Variants in PITX3 observed in about 807,000 individuals in gnomAD.
The protein encoded by PITX3 is pituitary homeobox 3.
Under a neutral mutation model 14.2 loss-of-function variants are expected in PITX3, and 4 were observed. That is an observed-to-expected ratio of 0.28 (90% confidence interval 0.14 to 0.65). The LOEUF (loss-of-function observed/expected upper bound fraction) is 0.65, where lower values mean the gene tolerates loss of function less well. PITX3 is among the 30% of genes least tolerant of loss of function. The pLI, the probability that PITX3 is intolerant of heterozygous loss-of-function variation, is 0.82. For synonymous variants in PITX3, 194 were observed against 204.5 expected, an observed-to-expected ratio of 0.95 and a Z score of 0.44; for missense variants, 358 against 426.8, an observed-to-expected ratio of 0.84 and a Z score of 1.42.
chr10:102,232,147 G>A (rs994280390), intron 1 of PITX3, 55 bp from the exon 2 acceptor site: 1 of 985,918 alleles, frequency 1.0e-6, no homozygotes, highest in East Asian at 2.5e-5. Context: ...CTCCGGCTTA[G>A]CTAGGTCCCA....
chr10:102,231,699 G>A lies in PITX3; in HGVS notation c.210C>T (p.Thr70=). Residue 70 remains threonine (T), a synonymous_variant, in exon 3 of 4, where the codon ACC becomes ACT. Transcript: ENST00000370002. The part of the protein sequence containing the change: ...KKQRRQRTHF[T]SQQLQELEAT... ...CCTCTAGCTCCTGTAGCTGCTGGCT[G>A]GTGAAGTGCGTGCGCTGCCGCCGCT... 2 of 1,610,802 alleles carry A rather than the reference G, an allele frequency of 1.2e-6. No homozygotes were observed. The highest frequency in any genetic ancestry group is 2.2e-5 in the South Asian group (2 of 90,704).
intron 1 of PITX3, among the ~76,000 whole-genome samples, chr10:102,239,629 A>G (rs912908858): frequency 5.3e-5 from 8 of 152,256 alleles, no homozygotes; most frequent in East Asian, 1.9e-4. Flanking sequence ...TGTCACTCAC[A>G]GGTGAAGGGT....
intron 3 of PITX3, 149 bp from the exon 4 acceptor site, chr10:102,231,250 C>T: frequency 1.2e-6 from 1 of 826,666 alleles, no homozygotes; most frequent in Non-Finnish European, 1.8e-6. Context: ...AAGGAGCGCA[C>T]GGAGTCCGGG....
chr10:102,232,008 G>A lies in PITX3; in HGVS notation c.73C>T (p.His25Tyr). 1 of 1,610,238 alleles carries A rather than the reference G, an allele frequency of 6.2e-7. No individual in the cohort carries two copies. The highest frequency in any genetic ancestry group is 1.7e-5 in the Admixed American group (1 of 59,958). Residue 25 changes from histidine to tyrosine, a missense_variant, in exon 2 of 4, where the codon CAC becomes TAC. Physicochemically the swap from His to Tyr is moderately conservative, Grantham distance 83 (BLOSUM62 2). Coordinates refer to ENST00000370002, the MANE Select transcript of PITX3 (RefSeq NM_005029.4). ...ALSLSDAGTP[H>Y]PQLPEHGCKG... ...CAGCCGTGCTCTGGGAGCTGGGGGT[G>A]CGGAGTGCCAGCGTCTGACAGCGAC...
At chr10:102,233,474 T>C (rs2070308771) in intron 1 of PITX3, among the ~76,000 whole-genome samples, 1 of 152,014 alleles carries the variant, frequency 6.6e-6, no homozygotes, top group Non-Finnish European at 1.5e-5. Flanking sequence ...TGGCTAATTT[T>C]TGTATTTTTA....
Position 102,230,604 on chromosome 10 carries a change from C to T in PITX3, c.819G>A (p.Gln273=). Residue 273 remains glutamine, a synonymous_variant, in exon 4 of 4, where the codon CAG becomes CAA. Transcript: ENST00000370002. ...SLASLRLKAK[Q]HASFSYPAVH... ...CAGCGGGGTAGCTGAAGGAGGCGTGCTGTTTGGCTTTGAGCCGCAGGCTGG... is the reference window on the plus strand; with the variant it reads ...CAGCGGGGTAGCTGAAGGAGGCGTGTTGTTTGGCTTTGAGCCGCAGGCTGG... 1.2e-6 allele frequency: 2 copies of T among 1,611,022 alleles called. No individual in the cohort carries two copies. Among genetic ancestry groups the T allele is most frequent in the Non-Finnish European group, 1.7e-6 (2 of 1,178,898 alleles).
intron 1 of PITX3, among the ~76,000 whole-genome samples, chr10:102,239,244 G>T (rs1340909818): frequency 6.6e-6 from 1 of 152,198 alleles, no homozygotes; most frequent in South Asian, 2.1e-4. Context: ...CAGTTACAAG[G>T]CTTTATGCAA....
chr10:102,235,134 G>A (rs796852158), intron 1 of PITX3, among the ~76,000 whole-genome samples: 5 of 151,512 alleles, frequency 3.3e-5, no homozygotes, highest in South Asian at 2.1e-4. Context: ...GACAGCTGCC[G>A]GGGCTGTTTT....
Position 102,231,063 on chromosome 10 carries a change from G to T in PITX3, c.360C>A (p.Arg120=). 1 of 1,572,554 alleles carries T rather than the reference G, an allele frequency of 6.4e-7. No individual in the cohort carries two copies. Residue 120 remains arginine (R), a synonymous_variant, in exon 4 of 4, where the codon CGC becomes CGA. Transcript: ENST00000370002. ...FKNRRAKWRK[R]ERSQQAELCK... ...ATAGCTCGGCCTGCTGGCTGCGCTCGCGCTTCCGCCATTTGGCGCGCCGGT... is the reference window on the plus strand; with the variant it reads ...ATAGCTCGGCCTGCTGGCTGCGCTCTCGCTTCCGCCATTTGGCGCGCCGGT...
intron 1 of PITX3, among the ~76,000 whole-genome samples, chr10:102,236,034 G>A (rs1016590633): frequency 2.6e-5 from 4 of 152,184 alleles, no homozygotes; most frequent in African/African-American, 9.7e-5. Context: ...CCGTGAAACT[G>A]AAGAGAGAAG....
intron 1 of PITX3, among the ~76,000 whole-genome samples, chr10:102,233,000 A>C (rs2070292225): frequency 6.6e-6 from 1 of 152,206 alleles, no homozygotes; most frequent in Non-Finnish European, 1.5e-5. Context: ...CCGTAACTTG[A>C]AGGAACTTGA....
chr10:102,230,864 C>A lies in PITX3; in HGVS notation c.559G>T (p.Val187Phe). The A allele has an allele frequency of 6.2e-7, 1 of 1,602,276 alleles. No individual in the cohort carries two copies. Among genetic ancestry groups the A allele is most frequent in the South Asian group, 1.1e-5 (1 of 89,448 alleles). The change falls in exon 4 of 4, where the codon GTC becomes TTC. Residue 187 changes from valine to phenylalanine, a missense_variant. Transcript: ENST00000370002. ...GCGATGGAGCTGGGTGGCGAGAAGA[C>A]GGGCTGCGAAGCCAGAGGCCCCACG... ...VNVGPLASQP[V>F]FSPPSSIAAS... is the part of the protein sequence containing the mutation.
intron 1 of PITX3, among the ~76,000 whole-genome samples, chr10:102,240,139 A>G (rs1430218484): frequency 1.3e-5 from 2 of 152,226 alleles, no homozygotes; most frequent in African/African-American, 2.4e-5. Context: ...CTGATACTCC[A>G]GCAAGGAGTC....
intron 1 of PITX3, among the ~76,000 whole-genome samples, chr10:102,235,489 C>A (rs1275725785): frequency 6.6e-6 from 1 of 152,144 alleles, no homozygotes; most frequent in Non-Finnish European, 1.5e-5. Context: ...GTTACTTTAC[C>A]TCTCTGAGCA....
intron 1 of PITX3, among the ~76,000 whole-genome samples, chr10:102,238,054 G>A (rs2070447255): frequency 6.6e-6 from 1 of 152,162 alleles, no homozygotes; most frequent in Non-Finnish European, 1.5e-5. Flanking sequence ...ACTGAAAGGT[G>A]TAAAAAAGGC....
chr10:102,232,991 C>T (rs974288454), intron 1 of PITX3, among the ~76,000 whole-genome samples: 2 of 152,300 alleles, frequency 1.3e-5, no homozygotes, highest in Admixed American at 6.5e-5. Flanking sequence ...CTGAGGAAAC[C>T]GTAACTTGAA....
chr10:102,232,238 G>A, intron 1 of PITX3, 146 bp from the exon 2 acceptor site: 1 of 627,716 alleles, frequency 1.6e-6, no homozygotes, highest in Admixed American at 2.5e-5. Flanking sequence ...CCTTAGGATA[G>A]AATCGGGAAA....
chr10:102,234,641 C>CA (rs2070337124), intron 1 of PITX3, among the ~76,000 whole-genome samples: 1 of 152,060 alleles, frequency 6.6e-6, no homozygotes, highest in Non-Finnish European at 1.5e-5. Flanking sequence ...CCCCTTACTT[C>CA]ATACCCCTTA....
At chr10:102,235,084 A>G (rs1554934523) in intron 1 of PITX3, among the ~76,000 whole-genome samples, 1 of 152,064 alleles carries the variant, frequency 6.6e-6, no homozygotes, top group Non-Finnish European at 1.5e-5. Context: ...ATCCAGGCAG[A>G]CAGACACGTA....
Sources: allele counts gnomAD v4.1 joint callset (sites outside exome capture counted in the v4.1 genomes callset), GRCh38; gene constraint gnomAD v4.1.1; transcripts MANE v1.5; gene names NCBI Gene and HGNC (gene_info 2026-07-23, HGNC 2026-07-21).